Variants in ADGRA1 observed in about 807,000 individuals in gnomAD.
ADGRA1 encodes adhesion G protein-coupled receptor A1, also known as G-protein coupled receptor 123.
Under a neutral mutation model 21.3 loss-of-function variants are expected in ADGRA1, and 12 were observed. That is an observed-to-expected ratio of 0.56 (90% CI 0.36 to 0.91). The LOEUF (loss-of-function observed/expected upper bound fraction) is 0.91, where lower values mean the gene tolerates loss of function less well. Ranked by LOEUF, ADGRA1 falls within the 40% of genes least tolerant of loss-of-function variation. The probability of loss-of-function intolerance (pLI) is 0.01; values close to 1 mark genes in which losing one functional copy is unlikely to be tolerated. For synonymous variants in ADGRA1, 385 were observed against 368.8 expected (o/e 1.04, Z -0.50); for missense variants, 790 against 805.6 (o/e 0.98, Z 0.23).
chr10:133,119,115 G>T (rs115369611), intron 5 of ADGRA1, among the ~76,000 whole-genome samples: 2 of 152,106 alleles, frequency 1.3e-5, no homozygotes, highest in East Asian at 3.9e-4. Context: ...ACGCACACCC[G>T]CAAAGCACCC....
At chr10:133,102,218 C>CGA in intron 4 of ADGRA1, 5 of 458,860 alleles carry the variant, frequency 1.1e-5, no homozygotes, top group South Asian at 7.7e-5. Context: ...TGAGGAACGG[C>CGA]GACCTGCAGG....
chr10:133,124,609 G>A (rs1425205152), intron 5 of ADGRA1, among the ~76,000 whole-genome samples: 2 of 152,244 alleles, frequency 1.3e-5, no homozygotes, highest in South Asian at 2.1e-4. Context: ...GGGATTCGAC[G>A]TAACAGAAGA....
In ADGRA1 at chr10:133,129,174, G is replaced by C; in HGVS notation, c.1346G>C (p.Arg449Pro). 6.4e-7 allele frequency: 1 copy of C among 1,550,982 alleles called. No individual in the cohort carries two copies. The highest frequency in any genetic ancestry group is 8.7e-7 in the Non-Finnish European group (1 of 1,147,258). ...HIPSSLDGSP[R>P]SSRTDSPPSS... ...CCATCCAGCCTGGATGGCAGCCCCC[G>C]CAGCTCGCGCACAGACAGCCCCCCC... The change falls in exon 7 of 7, where the codon CGC becomes CCC. Residue 449 changes from arginine to proline, a missense_variant. Arg to Pro is a moderately radical substitution (Grantham distance 103, BLOSUM62 -2). This residue lies in a region of ADGRA1 where 391 missense variants were observed against 351.5 expected (regional missense o/e 1.11). Coordinates refer to ENST00000392607, the MANE Select transcript of ADGRA1 (RefSeq NM_001083909.3).
rs776369541 is a variant in ADGRA1 at position 133,128,681 on chromosome 10, A to T, written c.853A>T (p.Met285Leu). 1 of 1,611,532 alleles carries T rather than the reference A, an allele frequency of 6.2e-7. No homozygotes were observed. The highest frequency in any genetic ancestry group is 8.5e-7 in the Non-Finnish European group (1 of 1,179,522). ...GGTGTCACAGGGCCACTTCCTGGAC[A>T]TGGTCTTCAGCTGCCTGTACGGCGC... is the stretch of plus-strand genomic sequence containing the variant. The part of the protein sequence containing the change: ...LAVSQGHFLD[M>L]VFSCLYGAFC... Residue 285 changes from methionine (M) to leucine (L), a missense_variant, in exon 7 of 7, where the codon ATG (methionine) becomes TTG (leucine). By Grantham distance (15) the Met-to-Leu change is conservative (BLOSUM62 2). Transcript: ENST00000392607.
chr10:133,129,423 A>T lies in ADGRA1; in HGVS notation c.1595A>T (p.Lys532Met), dbSNP rs142300291. ...GGCCCCAGCCAGAACGGGCTGCCCA[A>T]GGGTAAATTGCTAGAAGGCCTGCCG... ...FGGPSQNGLP[K>M]GKLLEGLPFG... Residue 532 changes from lysine (K) to methionine (M), a missense_variant, in exon 7 of 7, where the codon AAG becomes ATG. By Grantham distance (95) the Lys-to-Met change is moderately conservative (BLOSUM62 -1). Coordinates refer to ENST00000392607, the MANE Select transcript of ADGRA1 (RefSeq NM_001083909.3). The T allele has an allele frequency of 6.2e-7, 1 of 1,605,024 alleles. No individual in the cohort carries two copies. The highest frequency in any genetic ancestry group is 1.3e-5 in the African/African-American group (1 of 74,916).
At chr10:133,111,424 A>G (rs1184512381) in intron 5 of ADGRA1, among the ~76,000 whole-genome samples, 10 of 54,750 alleles carry the variant, frequency 1.8e-4, no homozygotes, top group Non-Finnish European at 1.5e-4. Flanking sequence ...CAACCTGCCC[A>G]CCACGGACAC....
At chr10:133,115,702 C>A (rs570457996) in intron 5 of ADGRA1, among the ~76,000 whole-genome samples, 2 of 152,174 alleles carry the variant, frequency 1.3e-5, no homozygotes, top group African/African-American at 2.4e-5. Flanking sequence ...TCACCCCTCC[C>A]GGGCCCCTTG....
Position 133,129,050 on chromosome 10 carries a change from G to A in ADGRA1, c.1222G>A (p.Gly408Arg), listed in dbSNP as rs112331980. The A allele has an allele frequency of 4.4e-5, 68 of 1,554,488 alleles. 1 individual carries two copies. In the African/African-American group the frequency reaches 5.2e-4, roughly 12 times the overall value. The part of the protein sequence containing the change: ...HVHLQEEGAF[G>R]HDPHLHGCLQ... The stretch of plus-strand genomic sequence containing the variant: ...GCACCTGCAGGAGGAGGGCGCCTTC[G>A]GGCACGACCCCCACCTGCACGGGTG... Residue 408 changes from glycine (G) to arginine (R), a missense_variant, in exon 7 of 7, where the codon GGG (glycine) becomes AGG (arginine). Physicochemically the swap from Gly to Arg is moderately radical, Grantham distance 125 (BLOSUM62 -2). Transcript: ENST00000392607.
chr10:133,093,115 G>C, intron 2 of ADGRA1: 1 of 1,597,238 alleles, frequency 6.3e-7, no homozygotes. Context: ...ACACCTCACT[G>C]TGCAGGAAAG....
chr10:133,093,328 TTTTGTC>T, intron 2 of ADGRA1: 1 of 1,513,836 alleles, frequency 6.6e-7, no homozygotes. Context: ...CCTCCTTTGT[TTTTGTC>T]TTTAACACCC....
In ADGRA1 at chr10:133,088,792, C is replaced by G; in HGVS notation, c.-118C>G. On this transcript the variant is annotated 5_prime_UTR_variant, in exon 2 of 7. Transcript: ENST00000392607. ...GGGAGCGCGACCTCCTGGCCGCCGT[C>G]TGGGACTTTGACCTTCCAGAGGCCA... The G allele has an allele frequency of 1.6e-6, 2 of 1,232,808 alleles. No individual in the cohort carries two copies. Among genetic ancestry groups the G allele is most frequent in the Non-Finnish European group, 2.0e-6 (2 of 987,866 alleles). The allele number at this position is 1,232,808 out of a possible 1,614,324, so 76.4% of individuals were successfully genotyped here.
At chr10:133,104,407 C>G (rs781392824) in intron 5 of ADGRA1, among the ~76,000 whole-genome samples, 1 of 152,182 alleles carries the variant, frequency 6.6e-6, no homozygotes, top group African/African-American at 2.4e-5. Flanking sequence ...GGCTGGCAGC[C>G]GTGGAACACC....
intron 2 of ADGRA1, chr10:133,093,073 T>G (rs1177991919): frequency 6.3e-6 from 10 of 1,597,172 alleles, no homozygotes; most frequent in Non-Finnish European, 8.5e-6. Flanking sequence ...AGAAGGTTCC[T>G]CAGCCAGTTG....
chr10:133,116,670 G>GC (rs1446671551), intron 5 of ADGRA1, among the ~76,000 whole-genome samples: 1 of 152,042 alleles, frequency 6.6e-6, no homozygotes, highest in Non-Finnish European at 1.5e-5. Flanking sequence ...CCCGAGGAGG[G>GC]CCCCCCTTCC....
At chr10:133,115,574 C>G (rs1252642580) in intron 5 of ADGRA1, among the ~76,000 whole-genome samples, 1 of 152,202 alleles carries the variant, frequency 6.6e-6, no homozygotes, top group Non-Finnish European at 1.5e-5. Context: ...GCTAGCCAGC[C>G]ACCTCCTTGA....
At chr10:133,091,691 C>G (rs1365809920) in intron 2 of ADGRA1, among the ~76,000 whole-genome samples, 1 of 152,196 alleles carries the variant, frequency 6.6e-6, no homozygotes, top group African/African-American at 2.4e-5. Flanking sequence ...TTCTCAATGC[C>G]GGGATTGAGT....
intron 4 of ADGRA1, among the ~76,000 whole-genome samples, chr10:133,101,037 A>G (rs915090501): frequency 6.6e-6 from 1 of 152,206 alleles, no homozygotes; most frequent in African/African-American, 2.4e-5. Flanking sequence ...AAGCCCTCTC[A>G]TTGATCTAAC....
intron 5 of ADGRA1, among the ~76,000 whole-genome samples, chr10:133,123,898 G>A (rs956028374): frequency 5.3e-5 from 8 of 152,292 alleles, no homozygotes; most frequent in Admixed American, 6.5e-5. Context: ...ACCATTCACC[G>A]CCACTCACTT....
intron 4 of ADGRA1, among the ~76,000 whole-genome samples, chr10:133,101,247 C>T (rs761111492): frequency 2.6e-5 from 4 of 152,228 alleles, no homozygotes; most frequent in Admixed American, 6.5e-5. Context: ...CCGCCTGCCC[C>T]GCCCACCGGG....
Sources: allele counts gnomAD v4.1 joint callset (sites outside exome capture counted in the v4.1 genomes callset), GRCh38; gene constraint gnomAD v4.1.1; regional missense constraint gnomAD v4.1.1; transcripts MANE v1.5; gene names NCBI Gene and HGNC (gene_info 2026-07-23, HGNC 2026-07-21).